Variants in NEMP2 observed in about 807,000 individuals in gnomAD.
NEMP2 encodes UPF0571 transmembrane protein.
Under a neutral mutation model 54.2 loss-of-function variants are expected in NEMP2, and 53 were observed. That is an observed-to-expected ratio of 0.98 (90% CI 0.78 to 1.23). NEMP2 has a LOEUF of 1.23. Among genes scored for constraint, NEMP2 ranks in the 50% most tolerant of loss-of-function variants. The probability of loss-of-function intolerance (pLI) is 0.00; values close to 1 mark genes in which losing one functional copy is unlikely to be tolerated. For missense variants in NEMP2, 455 were observed against 511.3 expected, an observed-to-expected ratio of 0.89 and a Z score of 1.06; for synonymous variants, 197 against 190.3, an observed-to-expected ratio of 1.04 and a Z score of -0.29.
the NEMP2 span, among the ~76,000 whole-genome samples, chr2:190,549,474 G>A: frequency 6.6e-6 from 1 of 152,144 alleles, no homozygotes; most frequent in Admixed American, 6.5e-5. Context: ...TAAGTGATTG[G>A]TTCTTTTCCC....
the NEMP2 span, chr2:190,608,431 C>T: frequency 6.6e-6 from 1 of 152,120 alleles, no homozygotes; most frequent in Non-Finnish European, 1.5e-5. The surrounding 1 kb of genome is among the most constrained non-coding windows in gnomAD (Gnocchi z 4.9). Context: ...TATATTTGTG[C>T]TGGTTACAGC....
chr2:190,588,151 G>A, the NEMP2 span, among the ~76,000 whole-genome samples: 3 of 152,174 alleles, frequency 2.0e-5, no homozygotes, highest in Non-Finnish European at 4.4e-5. This position sits in a 1 kb window ranked among gnomAD's most constrained non-coding sequence, Gnocchi z 5.0. Context: ...GGAGATGGCA[G>A]TAGAAAGTCT....
the NEMP2 span, among the ~76,000 whole-genome samples, chr2:190,572,866 T>TATATAC: frequency 7.4e-6 from 1 of 135,138 alleles, no homozygotes. Context: ...TATATATATA[T>TATATAC]ATATATATAT....
At position 190,512,569 on chromosome 2, in the gene NEMP2, T is replaced by C. The variant is rs1690406087; in HGVS notation, c.953+1884A>G. Among the ~76,000 whole-genome samples the C allele has an allele frequency of 6.6e-6, 1 of 152,242 alleles. No homozygotes were observed. Among genetic ancestry groups the C allele is most frequent in the Non-Finnish European group, 1.5e-5 (1 of 68,050 alleles). Reference sequence around the variant, plus strand: ...AAGTTATAGTACATTTTGATTATTATAGAACACAGCTAGTGCACAAAAGAA... The same window carrying C: ...AAGTTATAGTACATTTTGATTATTACAGAACACAGCTAGTGCACAAAAGAA... On this transcript the variant is annotated intron_variant, in intron 7 of 8. Transcript: ENST00000409150. The surrounding 1 kb of genome is among the most constrained non-coding windows in gnomAD (Gnocchi z 4.5).
chr2:190,604,147 T>G, the NEMP2 span, among the ~76,000 whole-genome samples: 1 of 152,226 alleles, frequency 6.6e-6, no homozygotes, highest in Non-Finnish European at 1.5e-5. This position sits in a 1 kb window ranked among gnomAD's most constrained non-coding sequence, Gnocchi z 4.5. Flanking sequence ...GATAGGTGCC[T>G]CCTTCCTTCT....
chr2:190,534,112 C>T (rs61730953), intron 1 of NEMP2: 295,270 of 987,784 alleles, frequency 0.3, 46,142 homozygotes, highest in South Asian at 0.34. Flanking sequence ...CTGTTACCTT[C>T]TCTAGTCTTG....
chr2:190,612,824 T>C, the NEMP2 span, among the ~76,000 whole-genome samples: 1 of 152,288 alleles, frequency 6.6e-6, no homozygotes, highest in Middle Eastern at 3.4e-3. Context: ...GTTTTATATA[T>C]AAAAAACCTT....
the NEMP2 span, among the ~76,000 whole-genome samples, chr2:190,613,059 G>C: frequency 1.3e-5 from 2 of 152,086 alleles, no homozygotes; most frequent in Non-Finnish European, 2.9e-5. Flanking sequence ...AACTGTGATA[G>C]TCATCATTAA....
At chr2:190,588,963 T>A in the NEMP2 span, among the ~76,000 whole-genome samples, 8 of 152,310 alleles carry the variant, frequency 5.3e-5, no homozygotes, top group East Asian at 9.6e-4. The surrounding 1 kb of genome is among the most constrained non-coding windows in gnomAD (Gnocchi z 5.0). Flanking sequence ...CTACCAAGTA[T>A]TAGAGACAGT....
the NEMP2 span, among the ~76,000 whole-genome samples, chr2:190,434,711 T>C: frequency 6.6e-6 from 1 of 152,132 alleles, no homozygotes; most frequent in Admixed American, 6.6e-5. This position sits in a 1 kb window ranked among gnomAD's most constrained non-coding sequence, Gnocchi z 4.3. Context: ...GGATTACAGG[T>C]GTGAGCCACC....
At chr2:190,543,603 T>G in the NEMP2 span, among the ~76,000 whole-genome samples, 2 of 152,208 alleles carry the variant, frequency 1.3e-5, no homozygotes, top group Admixed American at 6.5e-5. This position sits in a 1 kb window ranked among gnomAD's most constrained non-coding sequence, Gnocchi z 4.7. Context: ...CACCTGCTTG[T>G]AATTTTTTCA....
At chr2:190,547,656 G>A in the NEMP2 span, among the ~76,000 whole-genome samples, 10 of 152,264 alleles carry the variant, frequency 6.6e-5, no homozygotes, top group East Asian at 1.9e-3. The surrounding 1 kb of genome is among the most constrained non-coding windows in gnomAD (Gnocchi z 6.2). Context: ...CTCCTGAGTA[G>A]CTGGGACTAC....
the NEMP2 span, among the ~76,000 whole-genome samples, chr2:190,632,072 A>G: frequency 6.6e-6 from 1 of 151,916 alleles, no homozygotes; most frequent in South Asian, 2.1e-4. The surrounding 1 kb of genome is among the most constrained non-coding windows in gnomAD (Gnocchi z 4.8). Flanking sequence ...AAGAAAAAAG[A>G]AAAGAAAAGA....
the NEMP2 span, among the ~76,000 whole-genome samples, chr2:190,641,746 T>C: frequency 6.6e-6 from 1 of 152,172 alleles, no homozygotes; most frequent in African/African-American, 2.4e-5. Context: ...TAAAACAGTG[T>C]TACAGATCAG....
the NEMP2 span, among the ~76,000 whole-genome samples, chr2:190,481,190 C>T: frequency 6.6e-6 from 1 of 152,190 alleles, no homozygotes; most frequent in East Asian, 1.9e-4. Context: ...TGGTAGTCTC[C>T]TAAAACCTGC....
the NEMP2 span, among the ~76,000 whole-genome samples, chr2:190,454,866 T>C: frequency 8.6e-5 from 13 of 151,962 alleles, no homozygotes; most frequent in Admixed American, 4.6e-4. The surrounding 1 kb of genome is among the most constrained non-coding windows in gnomAD (Gnocchi z 4.6). Flanking sequence ...AGTGGGATGA[T>C]GGTAGGAGTG....
At chr2:190,569,352 G>T in the NEMP2 span, among the ~76,000 whole-genome samples, 4 of 151,984 alleles carry the variant, frequency 2.6e-5, no homozygotes, top group African/African-American at 7.3e-5. Context: ...TTATTACTAA[G>T]CCATTGATTT....
At chr2:190,499,817 A>G, downstream of NEMP2, 1 of 1,534,090 alleles carries the variant, frequency 6.5e-7, no homozygotes, top group Non-Finnish European at 8.8e-7. This position sits in a 1 kb window ranked among gnomAD's most constrained non-coding sequence, Gnocchi z 6.0. Flanking sequence ...TGTGTTTTTC[A>G]TGCGGCTCTG....
chr2:190,633,458 C>T, the NEMP2 span, among the ~76,000 whole-genome samples: 2 of 151,910 alleles, frequency 1.3e-5, no homozygotes, highest in Non-Finnish European at 2.9e-5. Flanking sequence ...GGATTACAGG[C>T]ACCCACCACC....
Sources: allele counts gnomAD v4.1 joint callset (sites outside exome capture counted in the v4.1 genomes callset), GRCh38; gene constraint gnomAD v4.1.1; non-coding constraint Gnocchi (gnomAD v3.1); transcripts MANE v1.5; gene names NCBI Gene and HGNC (gene_info 2026-07-23, HGNC 2026-07-21).